Variants in USP51 observed in about 807,000 individuals in gnomAD.
USP51 encodes ubiquitin specific peptidase 51.
In USP51, 5 loss-of-function variants were observed where a neutral mutation model predicts 17.6. The observed-to-expected ratio is 0.28, with a 90% confidence interval of 0.15 to 0.60. The LOEUF (loss-of-function observed/expected upper bound fraction) is 0.60. Among genes scored for constraint, USP51 ranks in the 20% least tolerant of loss-of-function variants. The pLI, the probability that USP51 is intolerant of heterozygous loss-of-function variation, is 0.88. For synonymous variants in USP51, 248 were observed against 216.1 expected (o/e 1.15, Z -1.29); for missense variants, 459 against 559.5 (o/e 0.82, Z 1.81).
In USP51 at chrX:55,486,617, G is replaced by T; in HGVS notation, c.*187C>A. 1 of 487,514 alleles carries T rather than the reference G, an allele frequency of 2.1e-6. No homozygotes were observed. Among genetic ancestry groups the T allele is most frequent in the Non-Finnish European group, 3.2e-6 (1 of 314,276 alleles). The allele number at this position is 487,514 out of a possible 1,213,427, so 40.2% of individuals were successfully genotyped here. A position where few individuals can be genotyped will look rare whatever the true frequency, so the allele number is the denominator to read the frequency against. On this transcript the variant is annotated 3_prime_UTR_variant, in exon 3 of 3. Transcript: ENST00000500968. Reference sequence around the variant, plus strand: ...TCTCCCCATTTCTTAAGGTTGAATGGTCACTGGTTAGTATTCATTTTTTTC... The same window carrying T: ...TCTCCCCATTTCTTAAGGTTGAATGTTCACTGGTTAGTATTCATTTTTTTC...
chrX:55,486,211 TTTAAA>T lies in USP51; in HGVS notation c.*588_*592del, dbSNP rs2031314408. 1 of 111,768 alleles carries T rather than the reference TTTAAA, an allele frequency of 8.9e-6. No homozygotes were observed. The highest frequency in any genetic ancestry group is 1.9e-5 in the Non-Finnish European group (1 of 53,052). The allele number at this position is 111,768 out of a possible 1,213,427, so 9.2% of individuals were successfully genotyped here. ...TTAATTTTTAAAATTCTGAAACTTC[TTTAAA>T]TTAAAAAATTATTTTTAACTTTTAA... On this transcript the variant is annotated 3_prime_UTR_variant, in exon 3 of 3. Coordinates refer to ENST00000500968, the MANE Select transcript of USP51 (RefSeq NM_201286.4).
chrX:55,488,949 C>T lies in USP51; in HGVS notation c.-10G>A. ...CTCGAACCTGGGCCATCAGATCACTCCCCGACCTGAGGAGCAAGGCGTCTG... is the reference window on the plus strand; with the variant it reads ...CTCGAACCTGGGCCATCAGATCACTTCCCGACCTGAGGAGCAAGGCGTCTG... On this transcript the variant is annotated 5_prime_UTR_variant, in exon 3 of 3. Transcript: ENST00000500968. 1 of 1,198,160 alleles carries T rather than the reference C, an allele frequency of 8.3e-7. No individual in the cohort carries two copies. Among genetic ancestry groups the T allele is most frequent in the Non-Finnish European group, 1.1e-6 (1 of 888,687 alleles).
In USP51 at chrX:55,488,088, A is replaced by G; in HGVS notation, c.852T>C (p.Tyr284=). Residue 284 remains tyrosine, a synonymous_variant, in exon 3 of 3, where the codon TAT becomes TAC. Transcript: ENST00000500968. ...ATACATAATCCTTACACATGAAGCA[A>G]TATATGACCCCATGATAAAGGTCTA... is the stretch of plus-strand genomic sequence containing the variant. ...LAVDLYHGVI[Y]CFMCKDYVYD... 1 of 1,211,881 alleles carries G rather than the reference A, an allele frequency of 8.3e-7. No individual in the cohort carries two copies. The highest frequency in any genetic ancestry group is 1.1e-6 in the Non-Finnish European group (1 of 895,462).
In USP51 at chrX:55,485,849, T is replaced by C. The variant is rs1218827645; in HGVS notation, c.*955A>G. The stretch of plus-strand genomic sequence containing the variant: ...TTTTCAATTTTTGTCTTTAAACACA[T>C]TTTGTCTTTTTGTCTTGAATTATTC... On this transcript the variant is annotated 3_prime_UTR_variant, in exon 3 of 3. Transcript: ENST00000500968. 1 of 111,171 alleles carries C rather than the reference T, an allele frequency of 9.0e-6. No homozygotes were observed. The highest frequency in any genetic ancestry group is 3.2e-5 in the African/African-American group (1 of 30,802). 9.2% of individuals were successfully genotyped at this position (111,171 alleles called of 1,213,427 possible). A position where few individuals can be genotyped will look rare whatever the true frequency, so the allele number is the denominator to read the frequency against.
rs749908497 is a variant in USP51 at position 55,486,682 on chromosome X, A to G, written c.*122T>C. On this transcript the variant is annotated 3_prime_UTR_variant, in exon 3 of 3. Coordinates refer to ENST00000500968, the MANE Select transcript of USP51 (RefSeq NM_201286.4). ...TGGGCCATGCTAAAATAGGTTCTTT[A>G]TATCAAGATACTAGCTGTCACATAG... 3.0e-5 allele frequency: 29 copies of G among 976,414 alleles called. No homozygotes were observed. The East Asian group carries it at 9.1e-4, about 31-fold the overall frequency. The allele number at this position is 976,414 out of a possible 1,213,427, so 80.5% of individuals were successfully genotyped here. A position where few individuals can be genotyped will look rare whatever the true frequency, so the allele number is the denominator to read the frequency against.
chrX:55,489,278 T>TA lies in USP51; in HGVS notation c.-160dup. ...AGGACAGAAAGGATGGAAACTTCTT[T>TA]AAAAAAGGCGCCACCCTCTGACTGC... On this transcript the variant is annotated 5_prime_UTR_variant, in exon 2 of 3. Coordinates refer to ENST00000500968, the MANE Select transcript of USP51 (RefSeq NM_201286.4). 2 of 208,468 alleles carry TA rather than the reference T, an allele frequency of 9.6e-6. No individual in the cohort carries two copies. Among genetic ancestry groups the TA allele is most frequent in the Non-Finnish European group, 1.7e-5 (2 of 114,314 alleles). The allele number at this position is 208,468 out of a possible 1,213,427, so 17.2% of individuals were successfully genotyped here.
rs752737543 is a variant in USP51 at position 55,487,048 on chromosome X, C to T, written c.1892G>A (p.Ser631Asn). 1.7e-6 allele frequency: 2 copies of T among 1,211,966 alleles called. No homozygotes were observed. Among genetic ancestry groups the T allele is most frequent in the Admixed American group, 2.2e-5 (1 of 46,088 alleles). ...MTPFLASTKE[S>N]RMKEGQPPTD... Reference sequence around the variant, plus strand: ...TGGTGGCTGGCCTTCTTTCATTCTGCTCTCTTTAGTAGAGGCCAAAAACGG... The same window carrying T: ...TGGTGGCTGGCCTTCTTTCATTCTGTTCTCTTTAGTAGAGGCCAAAAACGG... The change falls in exon 3 of 3, where the codon AGC becomes AAC. Residue 631 changes from serine (S) to asparagine (N), a missense_variant. By Grantham distance (46) the Ser-to-Asn change is conservative (BLOSUM62 1). Transcript: ENST00000500968.
In USP51 at chrX:55,488,443, C is replaced by A. The variant is rs1407997710; in HGVS notation, c.497G>T (p.Cys166Phe). The A allele has an allele frequency of 1.7e-6, 2 of 1,209,572 alleles. No individual in the cohort carries two copies. The highest frequency in any genetic ancestry group is 3.5e-5 in the African/African-American group (2 of 57,381). ...CCCCGACCCGTCTAGGTCACCAGAG[C>A]AGCTTCTCCGTGTCTGAGGCCTGGA... Reference protein sequence around the residue: ...PGSRPQTRRSCSGDLDGSGDP... With the variant: ...PGSRPQTRRSFSGDLDGSGDP... The change falls in exon 3 of 3, where the codon TGC becomes TTC. Residue 166 changes from cysteine (C) to phenylalanine (F), a missense_variant. By Grantham distance (205) the Cys-to-Phe change is radical. Transcript: ENST00000500968.
rs2031332150 is a variant in USP51, at chrX:55,487,236, G to A, written c.1704C>T (p.Ile568=). 1 of 1,211,893 alleles carries A rather than the reference G, an allele frequency of 8.3e-7. No homozygotes were observed. ...GGTAGCTTTGGCAACTATTGCATTT[G>A]ATTTTGGCACTGCTTCCTAGGTGCT... ...RPEHLGSSAK[I]KCNSCQSYQE... Residue 568 remains isoleucine, a synonymous_variant, in exon 3 of 3, where the codon ATC becomes ATT. Transcript: ENST00000500968.
In USP51 at chrX:55,485,574, T is replaced by G. The variant is rs1403649831; in HGVS notation, c.*1230A>C. 1 of 110,504 alleles carries G rather than the reference T, an allele frequency of 9.0e-6. No individual in the cohort carries two copies. Among genetic ancestry groups the G allele is most frequent in the Non-Finnish European group, 1.9e-5 (1 of 52,758 alleles). 9.1% of individuals were successfully genotyped at this position (110,504 alleles called of 1,213,427 possible). A position where few individuals can be genotyped will look rare whatever the true frequency, so the allele number is the denominator to read the frequency against. Reference sequence around the variant, plus strand: ...CGTTATTCCTGTCTCCTCCATTTATTTCTTTCATACCCGTCTGTATTTTAA... The same window carrying G: ...CGTTATTCCTGTCTCCTCCATTTATGTCTTTCATACCCGTCTGTATTTTAA... On this transcript the variant is annotated 3_prime_UTR_variant, in exon 3 of 3. Coordinates refer to ENST00000500968, the MANE Select transcript of USP51 (RefSeq NM_201286.4).
chrX:55,484,963 G>A lies in USP51; in HGVS notation c.*1841C>T. On this transcript the variant is annotated 3_prime_UTR_variant, in exon 3 of 3. Coordinates refer to ENST00000500968, the MANE Select transcript of USP51 (RefSeq NM_201286.4). Reference sequence around the variant, plus strand: ...CAGAGATGTAGGTAAGGCCAGGTAAGTAAGGGGTTCAGGGAACTAGGCATG... The same window carrying A: ...CAGAGATGTAGGTAAGGCCAGGTAAATAAGGGGTTCAGGGAACTAGGCATG... The A allele has an allele frequency of 8.9e-6, 1 of 111,882 alleles. No individual in the cohort carries two copies. The highest frequency in any genetic ancestry group is 4.7e-3 in the Middle Eastern group (1 of 215). 9.2% of individuals were successfully genotyped at this position (111,882 alleles called of 1,213,427 possible).
At position 55,488,650 on chromosome X, in the gene USP51, G is replaced by A. The variant is rs1458355150; in HGVS notation, c.290C>T (p.Pro97Leu). ...GCGGGGCTTGCGGCGCGGGCAAACG[G>A]GCGAGGAGCTGCTGTGACAGCGAAG... ...IPLRCHSSSS[P>L]VCPRRKPRPR... is the part of the protein sequence containing the mutation. The change falls in exon 3 of 3, where the codon CCC becomes CTC. Residue 97 changes from proline to leucine, a missense_variant. Physicochemically the swap from Pro to Leu is moderately conservative, Grantham distance 98 (BLOSUM62 -3). Around this residue, in one of 2 missense-constraint regions of USP51, gnomAD observed 232 missense variants for 194.0 expected, o/e 1.20. Coordinates refer to ENST00000500968, the MANE Select transcript of USP51 (RefSeq NM_201286.4). The A allele has an allele frequency of 4.2e-6, 5 of 1,185,805 alleles. No homozygotes were observed. The highest frequency in any genetic ancestry group is 5.6e-6 in the Non-Finnish European group (5 of 887,968).
rs777281400 is a variant in USP51 at position 55,488,865 on chromosome X, G to A, written c.75C>T (p.Ala25=). ...VRWISGGGGG[A]SPEEAVEKAG... is the part of the protein sequence containing the mutation. ...CCTTCTCAACCGCCTCCTCAGGAGA[G>A]GCTCCTCCCCCACCTCCGGAGATCC... Residue 25 remains alanine (A), a synonymous_variant, in exon 3 of 3, where the codon GCC becomes GCT. Coordinates refer to ENST00000500968, the MANE Select transcript of USP51 (RefSeq NM_201286.4). 2 of 1,209,018 alleles carry A rather than the reference G, an allele frequency of 1.7e-6. No homozygotes were observed. Among genetic ancestry groups the A allele is most frequent in the East Asian group, 3.0e-5 (1 of 33,744 alleles).
Position 55,488,526 on chromosome X carries a change from G to GGGCGGGGGTGGC in USP51, c.402_413dup (p.Pro137_Pro140dup). 2 of 1,050,770 alleles carry GGGCGGGGGTGGC rather than the reference G, an allele frequency of 1.9e-6. No homozygotes were observed. The highest frequency in any genetic ancestry group is 2.4e-6 in the Non-Finnish European group (2 of 821,088). The allele number at this position is 1,050,770 out of a possible 1,213,427, so 86.6% of individuals were successfully genotyped here. ...AGGCCCTGGGCCGCGGTGCGGGTGG[G>GGGCGGGGGTGGC]GGCGGGGGTGGCGGCGGGGGCGGGG... is the stretch of plus-strand genomic sequence containing the variant. On this transcript the variant is annotated inframe_insertion, in exon 3 of 3. Transcript: ENST00000500968.
chrX:55,487,978 T>C lies in USP51; in HGVS notation c.962A>G (p.His321Arg), dbSNP rs180836702. The change falls in exon 3 of 3, where the codon CAT becomes CGT. Residue 321 changes from histidine to arginine, a missense_variant. Coordinates refer to ENST00000500968, the MANE Select transcript of USP51 (RefSeq NM_201286.4). Reference protein sequence around the residue: ...LLTSTSTDVSHQQFMTSGFED... With the variant: ...LLTSTSTDVSRQQFMTSGFED... ...AAACCCTGATGTCATAAACTGTTGA[T>C]GAGAAACATCTGTTGAGGTGGAAGT... The C allele has an allele frequency of 1.7e-4, 202 of 1,202,101 alleles. No homozygotes were observed. The East Asian group carries it at 5.4e-3, about 32-fold the overall frequency.
At position 55,488,997 on chromosome X, in the gene USP51, G is replaced by A; in HGVS notation, c.-49-9C>T. On this transcript the variant is annotated splice_polypyrimidine_tract_variant and intron_variant, in intron 2 of 2. Coordinates refer to ENST00000500968, the MANE Select transcript of USP51 (RefSeq NM_201286.4). ...CTGGAAAACAGCTGCGACTGTAGAT[G>A]AAAGGAGACAGAGACTTCTGTGAAT... 1.7e-6 allele frequency: 2 copies of A among 1,156,313 alleles called. No homozygotes were observed. Among genetic ancestry groups the A allele is most frequent in the Non-Finnish European group, 2.3e-6 (2 of 863,495 alleles).
intron 2 of USP51, 48 bp downstream of exon 2, chrX:55,489,121 A>C: frequency 1.7e-6 from 1 of 595,848 alleles, no homozygotes; most frequent in South Asian, 3.1e-5. Context: ...GGCTCCACCC[A>C]CTCAACTGAG....
intron 1 of USP51, among the ~76,000 whole-genome samples, 67 bp downstream of exon 1, chrX:55,489,709 C>T (rs1423373697): frequency 8.9e-6 from 1 of 112,190 alleles, no homozygotes. Context: ...GAAGTCTCCG[C>T]TCCCTTTTCC....
chrX:55,488,917 G>T lies in USP51; in HGVS notation c.23C>A (p.Ser8Tyr), dbSNP rs760051627. 1 of 1,205,761 alleles carries T rather than the reference G, an allele frequency of 8.3e-7. No individual in the cohort carries two copies. The highest frequency in any genetic ancestry group is 1.1e-6 in the Non-Finnish European group (1 of 892,684). Reference sequence around the variant, plus strand: ...GCGGACCCCAGAGCCGGAGGGCAAAGAAGTTTCTCGAACCTGGGCCATCAG... The same window carrying T: ...GCGGACCCCAGAGCCGGAGGGCAAATAAGTTTCTCGAACCTGGGCCATCAG... MAQVRET[S>Y]LPSGSGVRWI... Residue 8 changes from serine to tyrosine, a missense_variant, in exon 3 of 3, where the codon TCT becomes TAT. Around this residue, in one of 2 missense-constraint regions of USP51, gnomAD observed 232 missense variants for 194.0 expected, o/e 1.20. Transcript: ENST00000500968.
Sources: gnomAD v4.1 joint callset for allele counts (sites outside exome capture counted in the v4.1 genomes callset) on GRCh38, gnomAD v4.1.1 for gene constraint, gnomAD v4.1.1 regional missense constraint, MANE v1.5 for transcripts, NCBI Gene and HGNC (gene_info 2026-07-23, HGNC 2026-07-21) for gene names.